CCDC30: variants seen among roughly 807,000 people sequenced by gnomAD.
CCDC30 encodes coiled-coil domain-containing protein 30.
In CCDC30, 70 loss-of-function variants were observed where a neutral mutation model predicts 100.2. That is an observed-to-expected ratio of 0.70 (90% confidence interval 0.58 to 0.85). The LOEUF is 0.85. CCDC30 is among the 40% of genes least tolerant of loss of function. The pLI is 0.00. For synonymous variants in CCDC30, 233 were observed against 269.5 expected, an observed-to-expected ratio of 0.86 and a Z score of 1.33; for missense variants, 652 against 771.2, an observed-to-expected ratio of 0.85 and a Z score of 1.83.
chr1:42,617,468 TCAAGACAGGGGAATTG>T (rs1646747790), intron 11 of CCDC30, among the ~76,000 whole-genome samples: 1 of 152,166 alleles, frequency 6.6e-6, no homozygotes, highest in African/African-American at 2.4e-5. Context: ...AGCTGATTTA[TCAAGACAGGGGAATTG>T]CAAGACAGAA....
intron 6 of CCDC30, chr1:42,556,391 G>A: frequency 6.2e-7 from 1 of 1,610,568 alleles, no homozygotes; most frequent in Non-Finnish European, 8.5e-7. Flanking sequence ...TAGTTCAGAT[G>A]ACAGTGGTGC....
In CCDC30 at chr1:42,597,605, G is replaced by A. The variant is rs150992443; in HGVS notation, c.1164+8122G>A. On this transcript the variant is annotated intron_variant, in intron 10 of 16. Coordinates refer to ENST00000668663, the Ensembl canonical transcript of CCDC30. ...CAGAAAGATCACTTGAGATCAGCCT[G>A]GGCAACATGGTGAAACCCCATCCCT... 7.1e-3 allele frequency among the ~76,000 whole-genome samples: 1,077 copies of A among 150,666 alleles called. 12 individuals are homozygous for A. Among genetic ancestry groups the A allele is most frequent in the African/African-American group, 0.025 (1,006 of 41,044 alleles).
intron 1 of CCDC30, chr1:42,467,907 C>T (rs1188255191): frequency 1.3e-5 from 2 of 152,186 alleles, no homozygotes; most frequent in African/African-American, 4.8e-5. Context: ...TCGCTAAGGA[C>T]TTGAATAGTT....
At chr1:42,528,284 T>C (rs1422245488) in intron 6 of CCDC30, among the ~76,000 whole-genome samples, 1 of 152,250 alleles carries the variant, frequency 6.6e-6, no homozygotes, top group African/African-American at 2.4e-5. Flanking sequence ...AGACTACCTA[T>C]GTGAGAATGG....
chr1:42,613,042 AC>A (rs1282088002), intron 11 of CCDC30, among the ~76,000 whole-genome samples: 1 of 152,198 alleles, frequency 6.6e-6, no homozygotes, highest in African/African-American at 2.4e-5. Context: ...CTGAACCCAG[AC>A]CCCAACAGAG....
At chr1:42,633,806 A>G (rs1647088281) in intron 11 of CCDC30, among the ~76,000 whole-genome samples, 1 of 152,156 alleles carries the variant, frequency 6.6e-6, no homozygotes, top group Non-Finnish European at 1.5e-5. Flanking sequence ...CATGCTGCTA[A>G]TGAAGACATA....
At position 42,478,786 on chromosome 1, in the gene CCDC30, C is replaced by T. The variant is rs1032863788; in HGVS notation, c.-91-1675C>T. On this transcript the variant is annotated intron_variant, in intron 1 of 16. Transcript: ENST00000668663. ...ACAACAGAATAAAACAAAACAAAAA[C>T]CAAACTGCGCCCCCCCAAGATACCC... Among the ~76,000 whole-genome samples, 14 of 151,886 alleles carry T rather than the reference C, an allele frequency of 9.2e-5. No individual in the cohort carries two copies. The South Asian group carries it at 2.9e-3, about 32-fold the overall frequency.
chr1:42,468,845 G>A (rs906958795), intron 1 of CCDC30: 1 of 152,138 alleles, frequency 6.6e-6, no homozygotes, highest in Non-Finnish European at 1.5e-5. Context: ...TTAGACTCCT[G>A]TGCCCAAGCT....
rs760203056 is a variant in CCDC30, at chr1:42,611,105, G to A, written c.1277+15G>A. ...GTCCATGTGAGGTAAACAAAGACAA[G>A]TTCTCTTTGGAAGAAAACTATGTAG... On this transcript the variant is annotated intron_variant, in intron 11 of 16. Coordinates refer to ENST00000668663, the Ensembl canonical transcript of CCDC30. 3 of 1,448,438 alleles carry A rather than the reference G, an allele frequency of 2.1e-6. No homozygotes were observed. The highest frequency in any genetic ancestry group is 1.4e-5 in the African/African-American group (1 of 71,608). 89.7% of individuals were successfully genotyped at this position (1,448,438 alleles called of 1,614,324 possible). A position where few individuals can be genotyped will look rare whatever the true frequency, so the allele number is the denominator to read the frequency against.
At chr1:42,583,220 A>G (rs1222794976) in intron 9 of CCDC30, among the ~76,000 whole-genome samples, 1 of 152,164 alleles carries the variant, frequency 6.6e-6, no homozygotes, top group Non-Finnish European at 1.5e-5. Context: ...TAAAGCATCA[A>G]TGACTTCAGC....
intron 6 of CCDC30, among the ~76,000 whole-genome samples, chr1:42,540,477 C>A (rs914024498): frequency 1.3e-5 from 2 of 151,996 alleles, no homozygotes; most frequent in African/African-American, 2.4e-5. Context: ...ATAAAGAGAT[C>A]CAGATCTGCT....
At chr1:42,625,797 A>G (rs1259791125) in intron 11 of CCDC30, among the ~76,000 whole-genome samples, 2 of 152,118 alleles carry the variant, frequency 1.3e-5, no homozygotes, top group Admixed American at 6.5e-5. Flanking sequence ...AGAATGATAC[A>G]TATACTGAGG....
intron 6 of CCDC30, 108 bp from the exon 11 acceptor site, chr1:42,566,188 C>T: frequency 1.3e-6 from 1 of 798,278 alleles, no homozygotes; most frequent in Non-Finnish European, 2.0e-6. Context: ...AAAACATTTA[C>T]ATGTGAATAA....
chr1:42,500,376 C>A (rs780924479), intron 6 of CCDC30: 32 of 1,396,614 alleles, frequency 2.3e-5, no homozygotes, highest in Middle Eastern at 2.5e-4. Context: ...TGCGTGAGAA[C>A]GAGCGAAGTC....
chr1:42,536,943 C>T, intron 6 of CCDC30: 1 of 356,308 alleles, frequency 2.8e-6, no homozygotes, highest in Non-Finnish European at 5.3e-6. Context: ...TAAGGCCCCA[C>T]CCTTATATCC....
chr1:42,502,258 G>GGCGTGGGACCCTCCGAGCCAT (rs1644326823), intron 6 of CCDC30, among the ~76,000 whole-genome samples: 1 of 147,232 alleles, frequency 6.8e-6, no homozygotes, highest in Non-Finnish European at 1.5e-5. Context: ...CTCCGAGCCG[G>GGCGTGGGACCCTCCGAGCCAT]GCGTGGGACC....
intron 11 of CCDC30, among the ~76,000 whole-genome samples, chr1:42,621,080 A>G (rs1228559861): frequency 6.6e-6 from 1 of 152,224 alleles, no homozygotes. Flanking sequence ...CAGAGCATAG[A>G]TTCAAATTGC....
intron 6 of CCDC30, among the ~76,000 whole-genome samples, chr1:42,510,812 T>G (rs1476150978): frequency 6.6e-6 from 1 of 151,998 alleles, no homozygotes; most frequent in Non-Finnish European, 1.5e-5. Flanking sequence ...TCCCTGGAAG[T>G]TGCTTCTCTA....
At chr1:42,572,826 C>T (rs1212546783) in intron 7 of CCDC30, among the ~76,000 whole-genome samples, 1 of 152,140 alleles carries the variant, frequency 6.6e-6, no homozygotes, top group African/African-American at 2.4e-5. Flanking sequence ...ACCATATTGG[C>T]CTGGCTGGCC....
Sources: allele counts gnomAD v4.1 joint callset (sites outside exome capture counted in the v4.1 genomes callset), GRCh38; gene constraint gnomAD v4.1.1; transcripts MANE v1.5; gene names NCBI Gene and HGNC (gene_info 2026-07-23, HGNC 2026-07-21).